GRIP1: variants seen among roughly 807,000 people sequenced by gnomAD.
GRIP1 encodes glutamate receptor interacting protein 1.
Under a neutral mutation model 129.9 loss-of-function variants are expected in GRIP1, and 45 were observed. That is an observed-to-expected ratio of 0.35 (90% CI 0.27 to 0.44). The LOEUF is 0.44. Ranked by LOEUF, GRIP1 falls within the 20% of genes least tolerant of loss-of-function variation. GRIP1 has a pLI of 1.00. For missense variants in GRIP1, 1,196 were observed against 1,396.8 expected (o/e 0.86, Z 2.29); for synonymous variants, 530 against 520.8 (o/e 1.02, Z -0.24).
rs1278601106 is a variant in GRIP1, at chr12:66,477,133, C to T, written c.725-11711G>A. Among the ~76,000 whole-genome samples, 241 of 152,214 alleles carry T rather than the reference C, an allele frequency of 1.6e-3. 1 individual carries two copies. Among genetic ancestry groups the T allele is most frequent in the African/African-American group, 5.6e-3 (231 of 41,530 alleles). On this transcript the variant is annotated intron_variant, in intron 7 of 24. Coordinates refer to ENST00000359742, the MANE Select transcript of GRIP1 (RefSeq NM_001366722.1). ...TGATTGTATATTTAGAAAACCCCAT[C>T]GTCTCAGCCCAAAATCTCCTTAAGC...
intron 1 of GRIP1, among the ~76,000 whole-genome samples, chr12:66,713,312 T>C (rs919668814): frequency 2.6e-4 from 40 of 152,124 alleles, no homozygotes; most frequent in African/African-American, 9.6e-4. Flanking sequence ...TCAACATTTG[T>C]TTATTGATCA....
At chr12:67,022,712 T>C (rs556846720) in intron 1 of GRIP1, among the ~76,000 whole-genome samples, 35 of 152,316 alleles carry the variant, frequency 2.3e-4, no homozygotes, top group African/African-American at 7.9e-4. Flanking sequence ...TTTTTTTTAT[T>C]TCAACTTTTA....
chr12:66,624,380 C>T (rs2065397067), intron 1 of GRIP1, among the ~76,000 whole-genome samples: 1 of 151,976 alleles, frequency 6.6e-6, no homozygotes, highest in East Asian at 1.9e-4. Flanking sequence ...TAATAGGTTG[C>T]TATGATTGTG....
At chr12:66,556,251 A>G (rs559456258) in intron 2 of GRIP1, among the ~76,000 whole-genome samples, 1 of 152,298 alleles carries the variant, frequency 6.6e-6, no homozygotes, top group Non-Finnish European at 1.5e-5. Context: ...GAAATCTTAC[A>G]GGCCAGGAGA....
intron 16 of GRIP1, among the ~76,000 whole-genome samples, chr12:66,402,939 G>A (rs577238767): frequency 2.0e-5 from 3 of 152,164 alleles, no homozygotes; most frequent in African/African-American, 7.2e-5. Context: ...AATACAGATA[G>A]TCCCCACTTA....
rs1334964421 is a variant in GRIP1, at chr12:66,348,967, T to C, written c.*52A>G. 1 of 1,279,696 alleles carries C rather than the reference T, an allele frequency of 7.8e-7. No homozygotes were observed. The highest frequency in any genetic ancestry group is 1.1e-6 in the Non-Finnish European group (1 of 874,306). The allele number at this position is 1,279,696 out of a possible 1,614,324, so 79.3% of individuals were successfully genotyped here. A position where few individuals can be genotyped will look rare whatever the true frequency, so the allele number is the denominator to read the frequency against. On this transcript the variant is annotated 3_prime_UTR_variant, in exon 25 of 25. Transcript: ENST00000359742. ...CAAAGGTCACAGAAATCTTAAAGGA[T>C]TTTTAGCACCATGTAGATATTGTCT...
At chr12:66,790,206 C>T (rs1474519148) in intron 1 of GRIP1, among the ~76,000 whole-genome samples, 3 of 152,148 alleles carry the variant, frequency 2.0e-5, no homozygotes, top group Non-Finnish European at 4.4e-5. Flanking sequence ...ACTGCGCAAT[C>T]AATGGTTATT....
intron 1 of GRIP1, among the ~76,000 whole-genome samples, chr12:66,936,700 T>C (rs1055628566): frequency 5.9e-5 from 9 of 152,122 alleles, no homozygotes; most frequent in Non-Finnish European, 1.3e-4. Context: ...AGTAAGGGTG[T>C]TCTTGCTGGG....
intron 2 of GRIP1, among the ~76,000 whole-genome samples, chr12:66,573,605 G>A (rs2063037844): frequency 6.6e-6 from 1 of 152,154 alleles, no homozygotes; most frequent in Non-Finnish European, 1.5e-5. Flanking sequence ...AAGTAAGGCA[G>A]GCTAGCTCCA....
At chr12:66,405,535 C>T (rs1465397144) in intron 16 of GRIP1, among the ~76,000 whole-genome samples, 1 of 152,170 alleles carries the variant, frequency 6.6e-6, no homozygotes, top group Non-Finnish European at 1.5e-5. Context: ...CAGGTCCCAC[C>T]TGGGGTGGTG....
chr12:66,848,381 G>A (rs1208718035), intron 1 of GRIP1, among the ~76,000 whole-genome samples: 3 of 152,016 alleles, frequency 2.0e-5, no homozygotes, highest in Admixed American at 2.0e-4. Context: ...ACTATACAGG[G>A]CCCTAGGAAT....
chr12:66,853,120 CG>C (rs2039942327), intron 1 of GRIP1, among the ~76,000 whole-genome samples: 1 of 151,572 alleles, frequency 6.6e-6, no homozygotes, highest in African/African-American at 2.4e-5. Context: ...ATAAACCAAA[CG>C]TGAGGAGCTT....
At chr12:66,499,472 C>A (rs909570057) in intron 7 of GRIP1, among the ~76,000 whole-genome samples, 2 of 152,222 alleles carry the variant, frequency 1.3e-5, no homozygotes, top group Middle Eastern at 3.4e-3. Context: ...GCTTCATCAA[C>A]CAATAAACAA....
chr12:66,751,225 T>A (rs998321933), intron 1 of GRIP1, among the ~76,000 whole-genome samples: 1 of 152,048 alleles, frequency 6.6e-6, no homozygotes, highest in African/African-American at 2.4e-5. Context: ...GAACATTGTA[T>A]CTCCATCAAC....
chr12:66,732,369 T>C (rs753931825), intron 1 of GRIP1, among the ~76,000 whole-genome samples: 5 of 152,036 alleles, frequency 3.3e-5, no homozygotes, highest in Non-Finnish European at 7.4e-5. Flanking sequence ...CTGAGCAACA[T>C]AGTGAGACCC....
chr12:66,580,689 A>T (rs1251350554), intron 2 of GRIP1, among the ~76,000 whole-genome samples: 1 of 150,740 alleles, frequency 6.6e-6, no homozygotes, highest in African/African-American at 2.4e-5. Flanking sequence ...AAAGGGATCA[A>T]TTCAACAAGA....
intron 7 of GRIP1, among the ~76,000 whole-genome samples, chr12:66,483,728 A>G (rs2138589662): frequency 6.6e-6 from 1 of 152,360 alleles, no homozygotes; most frequent in Middle Eastern, 3.4e-3. Context: ...CAAGTTTACA[A>G]TTTGATACAT....
chr12:66,993,504 G>C (rs2042423774), intron 1 of GRIP1, among the ~76,000 whole-genome samples: 1 of 151,838 alleles, frequency 6.6e-6, no homozygotes, highest in South Asian at 2.1e-4. Flanking sequence ...AATCAGGACT[G>C]AACAGACCAA....
chr12:66,454,762 G>C (rs1182229497), intron 11 of GRIP1, among the ~76,000 whole-genome samples: 1 of 151,378 alleles, frequency 6.6e-6, no homozygotes, highest in East Asian at 1.9e-4. Context: ...GTAAAGCTGA[G>C]CATCCTTCCA....
Sources: gnomAD v4.1 joint callset for allele counts (sites outside exome capture counted in the v4.1 genomes callset) on GRCh38, gnomAD v4.1.1 for gene constraint, MANE v1.5 for transcripts, NCBI Gene and HGNC (gene_info 2026-07-23, HGNC 2026-07-21) for gene names.